UNC79: variants seen among roughly 807,000 people sequenced by gnomAD.
UNC79 encodes the protein protein unc-79 homolog.
In UNC79, 37 loss-of-function variants were observed where a neutral mutation model predicts 283.1. The ratio of observed to expected loss-of-function variants is 0.13; its 90% confidence interval spans 0.10 to 0.17. The LOEUF is 0.17. Among genes scored for constraint, UNC79 ranks in the 10% least tolerant of loss-of-function variants. The probability of loss-of-function intolerance (pLI) is 1.00; values close to 1 mark genes in which losing one functional copy is unlikely to be tolerated. For synonymous variants in UNC79, 1,107 were observed against 1,200.2 expected, an observed-to-expected ratio of 0.92 and a Z score of 1.61; for missense variants, 2,272 against 3,211.1, an observed-to-expected ratio of 0.71 and a Z score of 7.07.
chr14:93,499,106 TTGG>T (rs1323735369), intron 7 of UNC79, among the ~76,000 whole-genome samples: 1 of 152,224 alleles, frequency 6.6e-6, no homozygotes, highest in Non-Finnish European at 1.5e-5. Flanking sequence ...GTTTGGGCTT[TTGG>T]TGGCCCTTGG....
intron 1 of UNC79, chr14:93,333,558 C>T (rs1036473489): frequency 5.0e-6 from 2 of 397,242 alleles, no homozygotes; most frequent in African/African-American, 4.1e-5. Flanking sequence ...TTTACAGGCA[C>T]CACCTTGCTA....
chr14:93,459,674 C>CT (rs34182907), intron 1 of UNC79, among the ~76,000 whole-genome samples: 1,680 of 90,664 alleles, frequency 0.019, 113 homozygotes, highest in African/African-American at 0.076. Context: ...GTTTATTCAA[C>CT]TTTTTTTTTT....
At chr14:93,446,868 A>G (rs1402508052) in intron 1 of UNC79, among the ~76,000 whole-genome samples, 3 of 152,230 alleles carry the variant, frequency 2.0e-5, no homozygotes, top group Non-Finnish European at 2.9e-5. Flanking sequence ...TAAACATTCT[A>G]TGTGCCAATT....
At position 93,379,872 on chromosome 14, in the gene UNC79, TAA is replaced by T. The variant is rs559274027; in HGVS notation, c.-351+46355_-351+46356del. Among the ~76,000 whole-genome samples, 677 of 152,146 alleles carry T rather than the reference TAA, an allele frequency of 4.4e-3. 1 individual carries two copies. Among genetic ancestry groups the T allele is most frequent in the Non-Finnish European group, 7.2e-3 (491 of 67,988 alleles). On this transcript the variant is annotated intron_variant, in intron 1 of 49. Transcript: ENST00000256339. ...AGCTATTGAAATAAAATAAAAATAA[TAA>T]AAAAATTTGCAAGATATTAGACTTC...
chr14:93,485,474 C>T (rs1293112113), intron 4 of UNC79, among the ~76,000 whole-genome samples: 1 of 151,998 alleles, frequency 6.6e-6, no homozygotes, highest in Non-Finnish European at 1.5e-5. Context: ...AGGTACTTTC[C>T]TGGAAACATG....
chr14:93,603,844 T>G (rs1566755423), intron 26 of UNC79, among the ~76,000 whole-genome samples: 1 of 152,150 alleles, frequency 6.6e-6, no homozygotes, highest in Non-Finnish European at 1.5e-5. Flanking sequence ...TTTTCATGTC[T>G]GATAGAAGCA....
intron 14 of UNC79, among the ~76,000 whole-genome samples, chr14:93,558,384 G>A (rs1376943562): frequency 1.3e-5 from 2 of 152,014 alleles, no homozygotes; most frequent in Admixed American, 1.3e-4. Context: ...GTGAAACCCC[G>A]TCTCTACTAA....
At chr14:93,465,415 G>A (rs1186342922) in intron 1 of UNC79, among the ~76,000 whole-genome samples, 1 of 152,068 alleles carries the variant, frequency 6.6e-6, no homozygotes, top group Non-Finnish European at 1.5e-5. Flanking sequence ...TATAGTTTCT[G>A]CCCTTAAGAA....
At chr14:93,636,680 T>C (rs1328090493) in intron 31 of UNC79, among the ~76,000 whole-genome samples, 2 of 152,178 alleles carry the variant, frequency 1.3e-5, no homozygotes, top group Non-Finnish European at 2.9e-5. Context: ...GACTTACTGC[T>C]TTGCCTCATC....
chr14:93,382,109 A>T (rs1038768847), intron 1 of UNC79, among the ~76,000 whole-genome samples: 2 of 152,298 alleles, frequency 1.3e-5, no homozygotes, highest in South Asian at 2.1e-4. Flanking sequence ...CTGTATCTGT[A>T]TCTATTTATC....
intron 1 of UNC79, among the ~76,000 whole-genome samples, chr14:93,338,636 G>A (rs114229589): frequency 0.017 from 2,569 of 152,310 alleles, 81 homozygotes; most frequent in African/African-American, 0.059. Context: ...GCTGAGTGCA[G>A]TGGCTTATGG....
intron 14 of UNC79, among the ~76,000 whole-genome samples, chr14:93,546,347 G>C (rs1037697938): frequency 6.6e-6 from 1 of 152,152 alleles, no homozygotes. Context: ...CAAGAGGGGG[G>C]TTGGCTAGAT....
At chr14:93,599,817 T>G (rs2065359388) in intron 24 of UNC79, among the ~76,000 whole-genome samples, 1 of 152,230 alleles carries the variant, frequency 6.6e-6, no homozygotes, top group Middle Eastern at 3.2e-3. Context: ...AATCATGAAA[T>G]TTTGGATTGA....
exon 1 of UNC79, chr14:93,333,281 A>AT (rs2053496539): frequency 5.9e-6 from 2 of 341,730 alleles, no homozygotes; most frequent in East Asian, 9.8e-5. Flanking sequence ...TTGTGGCAGC[A>AT]TCCTGCTTAG....
chr14:93,658,920 T>A (rs998716701), intron 38 of UNC79, among the ~76,000 whole-genome samples: 2 of 152,174 alleles, frequency 1.3e-5, no homozygotes, highest in African/African-American at 4.8e-5. Context: ...CAACTGTCTA[T>A]CTCATTAATT....
chr14:93,442,438 A>G lies in UNC79; in HGVS notation c.22+11387A>G, dbSNP rs1350515213. Reference sequence around the variant, plus strand: ...AGAATTACCCACACAATATACCTTTATTAGTCTACATGTGAACTAGCTTAT... The same window carrying G: ...AGAATTACCCACACAATATACCTTTGTTAGTCTACATGTGAACTAGCTTAT... On this transcript the variant is annotated intron_variant, in intron 1 of 48. Coordinates refer to ENST00000555664, the Ensembl canonical transcript of UNC79. Among the ~76,000 whole-genome samples, 4 of 152,156 alleles carry G rather than the reference A, an allele frequency of 2.6e-5. No homozygotes were observed. In the East Asian group the frequency reaches 5.8e-4, roughly 22 times the overall value.
chr14:93,357,434 G>A (rs987483877), intron 1 of UNC79, among the ~76,000 whole-genome samples: 3 of 151,786 alleles, frequency 2.0e-5, no homozygotes, highest in Non-Finnish European at 2.9e-5. Flanking sequence ...ATCTGGTTGG[G>A]CACCATCTAA....
chr14:93,665,466 A>C (rs1012388960), intron 40 of UNC79, among the ~76,000 whole-genome samples: 1 of 151,956 alleles, frequency 6.6e-6, no homozygotes, highest in Non-Finnish European at 1.5e-5. Flanking sequence ...CAGATAAGGA[A>C]AATAGGCTTT....
intron 4 of UNC79, among the ~76,000 whole-genome samples, chr14:93,481,373 TG>T (rs917543562): frequency 1.3e-5 from 2 of 152,128 alleles, no homozygotes; most frequent in Admixed American, 1.3e-4. Context: ...TGGACTGAAT[TG>T]AAATATGGAG....
Sources: gnomAD v4.1 joint callset for allele counts (sites outside exome capture counted in the v4.1 genomes callset) on GRCh38, gnomAD v4.1.1 for gene constraint, MANE v1.5 for transcripts, NCBI Gene and HGNC (gene_info 2026-07-23, HGNC 2026-07-21) for gene names.